INPP5D: variants seen among roughly 807,000 people sequenced by gnomAD.
The protein encoded by INPP5D is inositol polyphosphate-5-phosphatase D.
A neutral mutation model predicts 122.9 loss-of-function variants in INPP5D; 33 were observed. The observed-to-expected ratio is 0.27, with a 90% CI of 0.20 to 0.36. The LOEUF (loss-of-function observed/expected upper bound fraction) is 0.36. Among genes scored for constraint, INPP5D ranks in the 10% least tolerant of loss-of-function variants. The pLI, the probability that INPP5D is intolerant of heterozygous loss-of-function variation, is 1.00. For synonymous variants in INPP5D, 584 were observed against 576.2 expected (o/e 1.01, Z -0.19); for missense variants, 1,053 against 1,412.7 (o/e 0.75, Z 4.08).
chr2:233,190,610 C>T (rs1049585234), intron 22 of INPP5D, among the ~76,000 whole-genome samples: 1 of 152,214 alleles, frequency 6.6e-6, no homozygotes, highest in African/African-American at 2.4e-5. Flanking sequence ...GCCTGGTGCC[C>T]AGACCAGGCA....
At chr2:233,080,856 G>C (rs1691666805) in intron 2 of INPP5D, among the ~76,000 whole-genome samples, 2 of 152,186 alleles carry the variant, frequency 1.3e-5, no homozygotes, top group African/African-American at 4.8e-5. Context: ...GAATTGCTTC[G>C]AGGAGCGATG....
At chr2:233,187,884 TG>T (rs1694960705) in intron 21 of INPP5D, among the ~76,000 whole-genome samples, 2 of 151,942 alleles carry the variant, frequency 1.3e-5, no homozygotes, top group Admixed American at 6.5e-5. Context: ...TTGGTGAAGG[TG>T]GAAAAGAGAG....
At chr2:233,137,852 AAATATATATATATATATATATAT>A (rs1470345245) in intron 5 of INPP5D, among the ~76,000 whole-genome samples, 4 of 11,644 alleles carry the variant, frequency 3.4e-4, no homozygotes, top group African/African-American at 8.2e-4. Flanking sequence ...AAAAAAAAAA[AAATATATATATATATATATATAT>A]ATATATATAT....
rs183866666 is a variant in INPP5D at position 233,179,830 on chromosome 2, G to A, written c.2071+2484G>A. On this transcript the variant is annotated intron_variant, in intron 18 of 26. Coordinates refer to ENST00000445964, the MANE Select transcript of INPP5D (RefSeq NM_001017915.3). Reference sequence around the variant, plus strand: ...GACCTGGGAGCCTCAGTCTTCTCATGACAATTAACATAGCAGGCATATCAG... The same window carrying A: ...GACCTGGGAGCCTCAGTCTTCTCATAACAATTAACATAGCAGGCATATCAG... Among the ~76,000 whole-genome samples the A allele has an allele frequency of 2.6e-5, 4 of 152,324 alleles. No homozygotes were observed. The East Asian group carries it at 7.7e-4, about 29-fold the overall frequency.
intron 11 of INPP5D, among the ~76,000 whole-genome samples, chr2:233,162,674 G>A (rs1321817635): frequency 6.6e-6 from 1 of 152,190 alleles, no homozygotes; most frequent in Non-Finnish European, 1.5e-5. Flanking sequence ...TGGGTGTCGT[G>A]TGTCCCCTAC....
chr2:233,110,788 G>A (rs1692601832), intron 2 of INPP5D, among the ~76,000 whole-genome samples: 2 of 152,082 alleles, frequency 1.3e-5, no homozygotes, highest in African/African-American at 2.4e-5. Context: ...AGCTGGGTGT[G>A]GTGGCACATG....
rs559525696 is a variant in INPP5D, at chr2:233,078,945, T to G, written c.135-390T>G. 3.9e-5 allele frequency among the ~76,000 whole-genome samples: 6 copies of G among 152,212 alleles called. No individual in the cohort carries two copies. The highest frequency in any genetic ancestry group is 1.4e-4 in the African/African-American group (6 of 41,546). ...ATCCACCCATCTCAGCCTCCCAAAGTGCTGGGATTACAGGCGTGAGCCACC... is the reference window on the plus strand; with the variant it reads ...ATCCACCCATCTCAGCCTCCCAAAGGGCTGGGATTACAGGCGTGAGCCACC... On this transcript the variant is annotated intron_variant, in intron 1 of 26. Transcript: ENST00000445964. This position sits in a 1 kb window ranked among gnomAD's most constrained non-coding sequence, Gnocchi z 4.6.
At chr2:233,203,215 C>T (rs550711108) in intron 25 of INPP5D, among the ~76,000 whole-genome samples, 35 of 152,198 alleles carry the variant, frequency 2.3e-4, no homozygotes, top group Non-Finnish European at 4.1e-4. Flanking sequence ...CCTTCCTGAG[C>T]GGTCATGCAA....
Position 233,204,113 on chromosome 2 carries a change from T to TC in INPP5D, c.2976-10dup. The TC allele has an allele frequency of 6.6e-7, 1 of 1,518,992 alleles. No homozygotes were observed. The allele number at this position is 1,518,992 out of a possible 1,614,324, so 94.1% of individuals were successfully genotyped here. Reference sequence around the variant, plus strand: ...CTGGACATGTGTCTTCCCTGCTCTGTCCCTGGCTCTAGGCCCAGTGACCTG... The same window carrying TC: ...CTGGACATGTGTCTTCCCTGCTCTGTCCCCTGGCTCTAGGCCCAGTGACCTG... On this transcript the variant is annotated splice_polypyrimidine_tract_variant and intron_variant, in intron 25 of 26. Transcript: ENST00000445964.
At chr2:233,090,112 A>G (rs1691953177) in intron 2 of INPP5D, among the ~76,000 whole-genome samples, 1 of 152,230 alleles carries the variant, frequency 6.6e-6, no homozygotes, top group Non-Finnish European at 1.5e-5. Context: ...GCCCTTGGGC[A>G]CAGGACAGAG....
intron 2 of INPP5D, among the ~76,000 whole-genome samples, chr2:233,094,996 G>T (rs906371189): frequency 1.3e-5 from 2 of 152,134 alleles, no homozygotes; most frequent in Non-Finnish European, 1.5e-5. Flanking sequence ...TCAAATAGGG[G>T]TCAAAGAAGA....
At chr2:233,117,836 C>T (rs1484938402) in intron 2 of INPP5D, among the ~76,000 whole-genome samples, 1 of 152,210 alleles carries the variant, frequency 6.6e-6, no homozygotes, top group Non-Finnish European at 1.5e-5. Flanking sequence ...GAGGGCAGCT[C>T]CCCTGCTTGC....
At chr2:233,175,788 T>C (rs993580553) in intron 17 of INPP5D, among the ~76,000 whole-genome samples, 7 of 152,030 alleles carry the variant, frequency 4.6e-5, no homozygotes, top group Non-Finnish European at 2.9e-5. Flanking sequence ...GTTCAAGCGA[T>C]TCTCCTGCCT....
chr2:233,204,496 G>A lies in INPP5D; in HGVS notation c.3346G>A (p.Val1116Met). The change falls in exon 26 of 27, where the codon GTG becomes ATG. Residue 1116 changes from valine to methionine, a missense_variant. Around this residue, in one of 6 missense-constraint regions of INPP5D, gnomAD observed 417 missense variants for 425.8 expected, o/e 0.98. Transcript: ENST00000445964. The part of the protein sequence containing the change: ...PKTPVSSQAP[V>M]PAKRPIKPSR... The stretch of plus-strand genomic sequence containing the variant: ...GACCCCGGTCAGCTCCCAGGCCCCG[G>A]TGCCGGCCAAGAGGCCCATCAAGCC... 1 of 1,582,724 alleles carries A rather than the reference G, an allele frequency of 6.3e-7. No homozygotes were observed. Among genetic ancestry groups the A allele is most frequent in the Non-Finnish European group, 8.6e-7 (1 of 1,165,706 alleles).
intron 2 of INPP5D, among the ~76,000 whole-genome samples, chr2:233,093,819 G>A (rs949131507): frequency 1.3e-5 from 2 of 152,124 alleles, no homozygotes; most frequent in African/African-American, 2.4e-5. Flanking sequence ...ATGTGATGAC[G>A]TCCAGAGCTG....
chr2:233,102,869 C>CAAAAAAAAAAAAA (rs1041744645), intron 2 of INPP5D, among the ~76,000 whole-genome samples: 21 of 145,980 alleles, frequency 1.4e-4, no homozygotes, highest in African/African-American at 5.2e-4. Context: ...AAAAAACAAC[C>CAAAAAAAAAAAAA]AAAAAACCAC....
At chr2:233,150,657 C>T (rs982501483) in intron 9 of INPP5D, among the ~76,000 whole-genome samples, 4 of 152,190 alleles carry the variant, frequency 2.6e-5, no homozygotes, top group South Asian at 2.1e-4. Context: ...CGGTTTAATG[C>T]AACAGATATT....
chr2:233,199,638 G>C (rs946367149), intron 25 of INPP5D, among the ~76,000 whole-genome samples: 4 of 152,022 alleles, frequency 2.6e-5, no homozygotes, highest in Admixed American at 2.6e-4. Flanking sequence ...GACCATCCTG[G>C]CTAACATAGT....
In INPP5D at chr2:233,189,651, G is replaced by A. The variant is rs1695001156; in HGVS notation, c.2359-199G>A. On this transcript the variant is annotated intron_variant, in intron 21 of 26. Coordinates refer to ENST00000445964, the MANE Select transcript of INPP5D (RefSeq NM_001017915.3). This position sits in a 1 kb window ranked among gnomAD's most constrained non-coding sequence, Gnocchi z 5.6. Reference sequence around the variant, plus strand: ...TGCAGCGTGGAGGTGAGGGGGACAGGGAAGGAAGCTAACCCCCACCTTGCT... The same window carrying A: ...TGCAGCGTGGAGGTGAGGGGGACAGAGAAGGAAGCTAACCCCCACCTTGCT... 6.6e-6 allele frequency among the ~76,000 whole-genome samples: 1 copy of A among 152,102 alleles called. No homozygotes were observed. The highest frequency in any genetic ancestry group is 2.1e-4 in the South Asian group (1 of 4,826).
Sources: gnomAD v4.1 joint callset for allele counts (sites outside exome capture counted in the v4.1 genomes callset) on GRCh38, gnomAD v4.1.1 for gene constraint, gnomAD v4.1.1 regional missense constraint, Gnocchi (gnomAD v3.1) non-coding constraint, MANE v1.5 for transcripts, NCBI Gene and HGNC (gene_info 2026-07-23, HGNC 2026-07-21) for gene names.